Variants in CHCHD5 observed in about 807,000 individuals in gnomAD.
The protein encoded by CHCHD5 is coiled-coil-helix-coiled-coil-helix domain-containing protein 5.
Under a neutral mutation model 16.0 loss-of-function variants are expected in CHCHD5, and 10 were observed. The observed-to-expected ratio is 0.63, with a 90% CI of 0.39 to 1.06. CHCHD5 has a LOEUF of 1.06. Ranked by LOEUF, CHCHD5 falls within the 50% of genes least tolerant of loss-of-function variation. The probability of loss-of-function intolerance (pLI) is 0.01; values close to 1 mark genes in which losing one functional copy is unlikely to be tolerated. For synonymous variants in CHCHD5, 55 were observed against 56.3 expected, an observed-to-expected ratio of 0.98 and a Z score of 0.10; for missense variants, 163 against 153.4, an observed-to-expected ratio of 1.06 and a Z score of -0.33.
chr2:112,588,960 G>A lies in CHCHD5; in HGVS notation c.*71G>A. The stretch of plus-strand genomic sequence containing the variant: ...ACGCCCCTCCCCTGCAGAGTGGCCA[G>A]ATGGAGTCCTGAGCCCTGGACATGG... On this transcript the variant is annotated 3_prime_UTR_variant, in exon 4 of 4. Transcript: ENST00000324913. 2.5e-6 allele frequency: 3 copies of A among 1,182,430 alleles called. No homozygotes were observed. The highest frequency in any genetic ancestry group is 2.5e-5 in the South Asian group (2 of 80,652). The allele number at this position is 1,182,430 out of a possible 1,614,324, so 73.2% of individuals were successfully genotyped here.
intron 1 of CHCHD5, 144 bp from the exon 2 acceptor site, chr2:112,585,830 G>T: frequency 1.1e-6 from 1 of 879,068 alleles, no homozygotes; most frequent in Non-Finnish European, 1.7e-6. Context: ...TCCAGGAGTT[G>T]GTGGCTACAG....
At chr2:112,584,481 G>A (rs1481160228), upstream of CHCHD5, 3 of 767,590 alleles carry the variant, frequency 3.9e-6, no homozygotes, top group African/African-American at 1.7e-5. Flanking sequence ...CGGGCCGGAA[G>A]AAGAGGTAGG....
Position 112,585,967 on chromosome 2 carries a change from C to T in CHCHD5, c.3-7C>T. ...TGGAATGATCCTCAGCCCATCCTGTCCCACAGGCAGGCGGCCCTAGAGGTC... is the reference window on the plus strand; with the variant it reads ...TGGAATGATCCTCAGCCCATCCTGTTCCACAGGCAGGCGGCCCTAGAGGTC... On this transcript the variant is annotated splice_region_variant and splice_polypyrimidine_tract_variant and intron_variant, in intron 1 of 3. Transcript: ENST00000324913. 6.2e-7 allele frequency: 1 copy of T among 1,612,940 alleles called. No homozygotes were observed. The highest frequency in any genetic ancestry group is 2.2e-5 in the East Asian group (1 of 44,834).
intron 1 of CHCHD5, chr2:112,585,061 C>T (rs1490977427): frequency 4.6e-6 from 1 of 215,336 alleles, no homozygotes; most frequent in Admixed American, 5.1e-5. Context: ...GCCTGGGACC[C>T]CAGTCCTCAC....
chr2:112,584,810 C>T, intron 1 of CHCHD5, 161 bp downstream of exon 1: 1 of 811,036 alleles, frequency 1.2e-6, no homozygotes. Context: ...CTCCAACCCT[C>T]CGCATGCCCA....
chr2:112,584,453 G>C, upstream of CHCHD5: 1 of 647,866 alleles, frequency 1.5e-6, no homozygotes, highest in Middle Eastern at 4.2e-4. Flanking sequence ...GGCTACTCAG[G>C]GCGCCGCCAT....
intron 2 of CHCHD5, 21 bp downstream of exon 2, chr2:112,586,135 G>A (rs770574466): frequency 2.5e-5 from 37 of 1,467,920 alleles, no homozygotes; most frequent in East Asian, 4.7e-5. Flanking sequence ...GCAAGTATGA[G>A]ACAGTGTGGG....
At chr2:112,588,796 G>T in intron 3 of CHCHD5, 70 bp from the exon 4 acceptor site, 1 of 1,210,046 alleles carries the variant, frequency 8.3e-7, no homozygotes, top group African/African-American at 1.4e-5. Context: ...TCCCTCTGTG[G>T]TGTCTACATA....
intron 3 of CHCHD5, chr2:112,586,797 C>T: frequency 1.9e-6 from 1 of 530,964 alleles, no homozygotes; most frequent in East Asian, 3.1e-5. Context: ...GCCTCACCCT[C>T]TCTCTTCTTT....
At chr2:112,585,048 T>A (rs1195760481) in intron 1 of CHCHD5, 2 of 228,878 alleles carry the variant, frequency 8.7e-6, no homozygotes, top group African/African-American at 4.4e-5. Flanking sequence ...ACCTTCCAGA[T>A]CTGCCTGGGA....
rs1685305889 is a variant in CHCHD5 at position 112,588,986 on chromosome 2, G to T, written c.*97G>T. On this transcript the variant is annotated 3_prime_UTR_variant, in exon 4 of 4. Transcript: ENST00000324913. ...ATGGAGTCCTGAGCCCTGGACATGG[G>T]CCCGGCTTTCCTGGATATCAGGACT... 2.3e-6 allele frequency: 2 copies of T among 877,320 alleles called. No individual in the cohort carries two copies. The highest frequency in any genetic ancestry group is 3.8e-6 in the Non-Finnish European group (2 of 531,062). The allele number at this position is 877,320 out of a possible 1,614,324, so 54.3% of individuals were successfully genotyped here.
chr2:112,586,322 G>T lies in CHCHD5; in HGVS notation c.266G>T (p.Cys89Phe), dbSNP rs1351396503. The change falls in exon 3 of 4, where the codon TGC becomes TTC. Residue 89 changes from cysteine (C) to phenylalanine (F), a missense_variant. Physicochemically the swap from Cys to Phe is radical, Grantham distance 205 (BLOSUM62 -2). Transcript: ENST00000324913. ...CAEHMRRFLQCAEQVQPPRSP... is the reference protein window; with the variant it reads ...CAEHMRRFLQFAEQVQPPRSP... Reference sequence around the variant, plus strand: ...GAGCATATGCGCCGCTTCCTGCAGTGCGCTGAGCAGGTGCAGCCGCCACGC... The same window carrying T: ...GAGCATATGCGCCGCTTCCTGCAGTTCGCTGAGCAGGTGCAGCCGCCACGC... The T allele has an allele frequency of 2.5e-6, 4 of 1,614,258 alleles. No homozygotes were observed. Among genetic ancestry groups the T allele is most frequent in the Non-Finnish European group, 3.4e-6 (4 of 1,180,046 alleles).
At chr2:112,587,250 C>G (rs1685252532) in intron 3 of CHCHD5, 1 of 152,294 alleles carries the variant, frequency 6.6e-6, no homozygotes, top group South Asian at 2.1e-4. Flanking sequence ...TCTGCTTCTA[C>G]TTACAAACCT....
intron 3 of CHCHD5, 166 bp downstream of exon 3, chr2:112,586,531 T>A: frequency 6.5e-7 from 1 of 1,544,966 alleles, no homozygotes; most frequent in Non-Finnish European, 8.8e-7. Flanking sequence ...TTGCCCCATA[T>A]AGCCCCTGCT....
At chr2:112,588,664 A>G (rs1285691372) in intron 3 of CHCHD5, 1 of 569,790 alleles carries the variant, frequency 1.8e-6, no homozygotes, top group Non-Finnish European at 3.1e-6. Context: ...CAGTAAATAT[A>G]GCAGAATGGC....
intron 1 of CHCHD5, chr2:112,584,980 A>G (rs1363117152): frequency 2.3e-6 from 1 of 428,194 alleles, no homozygotes; most frequent in Non-Finnish European, 4.3e-6. Flanking sequence ...TATGACTCCT[A>G]CACCCATCCT....
intron 1 of CHCHD5, 162 bp downstream of exon 1, chr2:112,584,811 C>CG (rs1685155924): frequency 1.2e-6 from 1 of 805,542 alleles, no homozygotes; most frequent in Admixed American, 2.3e-5. Context: ...TCCAACCCTC[C>CG]GCATGCCCAA....
chr2:112,588,003 A>G (rs1298127269), intron 3 of CHCHD5: 2 of 152,442 alleles, frequency 1.3e-5, no homozygotes, highest in Non-Finnish European at 2.9e-5. Flanking sequence ...AAAAATGGGA[A>G]TTAGGGCCGG....
At chr2:112,588,651 G>T (rs1685294697) in intron 3 of CHCHD5, 1 of 554,302 alleles carries the variant, frequency 1.8e-6, no homozygotes, top group Non-Finnish European at 3.2e-6. Context: ...CACGGCAGGT[G>T]CTCAGTAAAT....
Sources: allele counts gnomAD v4.1 joint callset, GRCh38; gene constraint gnomAD v4.1.1; transcripts MANE v1.5; gene names NCBI Gene and HGNC (gene_info 2026-07-23, HGNC 2026-07-21).